The following MSTO1 variants were observed in gnomAD, a reference collection of about 807,000 sequenced individuals.
MSTO1 encodes protein misato homolog 1.
A neutral mutation model predicts 55.7 loss-of-function variants in MSTO1; 24 were observed. That is an observed-to-expected ratio of 0.43 (90% CI 0.31 to 0.61). The LOEUF is 0.61. Ranked by LOEUF, MSTO1 falls within the 20% of genes least tolerant of loss-of-function variation. MSTO1 has a pLI of 0.09. For synonymous variants in MSTO1, 162 were observed against 252.8 expected, an observed-to-expected ratio of 0.64 and a Z score of 3.41; for missense variants, 363 against 625.7, an observed-to-expected ratio of 0.58 and a Z score of 4.48.
chr1:155,612,047 G>A lies in MSTO1; in HGVS notation c.625G>A (p.Glu209Lys). ...TGTCCTAAAGGAACCCAAGTACCAG[G>A]AAGAGCTGGAGGACAGGCTGCATTT... ...ESVLKEPKYQ[E>K]ELEDRLHFYV... Residue 209 changes from glutamate (E) to lysine (K), a missense_variant, in exon 7 of 14, where the codon GAA (glutamate) becomes AAA (lysine). Glu to Lys is a moderately conservative substitution (Grantham distance 56). Coordinates refer to ENST00000245564, the MANE Select transcript of MSTO1 (RefSeq NM_018116.4). 1 of 1,604,816 alleles carries A rather than the reference G, an allele frequency of 6.2e-7. No homozygotes were observed. Among genetic ancestry groups the A allele is most frequent in the Non-Finnish European group, 8.5e-7 (1 of 1,176,986 alleles).
the MSTO1 span, among the ~76,000 whole-genome samples, chr1:155,565,024 G>C: frequency 6.6e-6 from 1 of 152,160 alleles, no homozygotes. Context: ...GGGAGGCTGA[G>C]GCAGGAGAAT....
At chr1:155,568,074 A>ATTTTT in the MSTO1 span, among the ~76,000 whole-genome samples, 2 of 150,418 alleles carry the variant, frequency 1.3e-5, no homozygotes, top group African/African-American at 4.9e-5. Flanking sequence ...ATTTTATTTT[A>ATTTTT]TTTTATTTTA....
rs1288230877 is a variant in MSTO1, at chr1:155,612,330, A to G, written c.813+14A>G. 2 of 1,576,230 alleles carry G rather than the reference A, an allele frequency of 1.3e-6. No individual in the cohort carries two copies. The highest frequency in any genetic ancestry group is 1.2e-5 in the South Asian group (1 of 84,488). On this transcript the variant is annotated intron_variant, in intron 8 of 13. Transcript: ENST00000245564. ...TACCATCGTGGGGTGAGTGGAACTT[A>G]GAGAAGTAAACAGTCACACAGTGGG...
chr1:155,563,637 G>A, the MSTO1 span: 583 of 454,842 alleles, frequency 1.3e-3, 2 homozygotes, highest in Middle Eastern at 4.9e-3. Context: ...GGTGATGGAG[G>A]ATGAAGAAAC....
chr1:155,585,595 TAA>T, the MSTO1 span, among the ~76,000 whole-genome samples: 2 of 152,118 alleles, frequency 1.3e-5, no homozygotes, highest in Non-Finnish European at 2.9e-5. Flanking sequence ...ACATTTAACT[TAA>T]GTTATTCTAT....
the MSTO1 span, chr1:155,563,334 G>C: frequency 2.2e-6 from 1 of 455,806 alleles, no homozygotes. Flanking sequence ...CTCACGGTGA[G>C]GGAATGGACC....
the MSTO1 span, among the ~76,000 whole-genome samples, chr1:155,582,695 G>A: frequency 2.2e-4 from 33 of 151,458 alleles, no homozygotes; most frequent in South Asian, 1.0e-3. Flanking sequence ...TCCTGACCCC[G>A]TGATCCACCT....
chr1:155,581,957 CT>C, the MSTO1 span, among the ~76,000 whole-genome samples: 512 of 134,470 alleles, frequency 3.8e-3, 1 homozygote, highest in Non-Finnish European at 4.9e-3. Flanking sequence ...CCATGTCTGG[CT>C]TTTTTTTTTT....
chr1:155,612,773 G>A, intron 9 of MSTO1, 71 bp from the exon 10 acceptor site: 1 of 1,586,202 alleles, frequency 6.3e-7, no homozygotes, highest in Non-Finnish European at 8.6e-7. Flanking sequence ...TCTCTCTGGT[G>A]TTAATATTCT....
At chr1:155,580,467 C>T in the MSTO1 span, among the ~76,000 whole-genome samples, 2 of 151,334 alleles carry the variant, frequency 1.3e-5, no homozygotes, top group African/African-American at 2.4e-5. Flanking sequence ...CCTGAGAGTT[C>T]GAGGTTGCAG....
the MSTO1 span, among the ~76,000 whole-genome samples, chr1:155,583,599 G>A: frequency 1.3e-5 from 2 of 152,174 alleles, no homozygotes; most frequent in African/African-American, 4.8e-5. Context: ...TGGAGAAAAT[G>A]TTTAAGTCTG....
the MSTO1 span, among the ~76,000 whole-genome samples, chr1:155,596,151 G>T: frequency 6.6e-6 from 1 of 152,174 alleles, no homozygotes; most frequent in African/African-American, 2.4e-5. Flanking sequence ...TCTCAGCAGG[G>T]TGTGTTTTAA....
the MSTO1 span, among the ~76,000 whole-genome samples, chr1:155,587,669 G>A: frequency 1.3e-5 from 2 of 150,798 alleles, no homozygotes; most frequent in Non-Finnish European, 3.0e-5. Flanking sequence ...GCGTGAACCC[G>A]GGAGGCGGAG....
chr1:155,577,421 A>G, the MSTO1 span, among the ~76,000 whole-genome samples: 1 of 152,118 alleles, frequency 6.6e-6, no homozygotes, highest in Non-Finnish European at 1.5e-5. Context: ...TAGCTCTTAC[A>G]TTTAGGTCTA....
At chr1:155,576,842 C>CT in the MSTO1 span, among the ~76,000 whole-genome samples, 5,660 of 147,588 alleles carry the variant, frequency 0.038, 375 homozygotes, top group African/African-American at 0.14. Context: ...GGTAAAACCC[C>CT]ATCTCTACTA....
At chr1:155,597,866 G>C in the MSTO1 span, among the ~76,000 whole-genome samples, 2 of 151,656 alleles carry the variant, frequency 1.3e-5, no homozygotes, top group African/African-American at 2.4e-5. Context: ...GCCCAGGCTG[G>C]AGTGCCGTGG....
the MSTO1 span, among the ~76,000 whole-genome samples, chr1:155,597,314 C>CA: frequency 0.025 from 3,790 of 151,672 alleles, 221 homozygotes; most frequent in Admixed American, 0.14. Flanking sequence ...ATTAAAAACA[C>CA]AAAAAATTAG....
At chr1:155,572,779 T>C in the MSTO1 span, among the ~76,000 whole-genome samples, 1 of 152,054 alleles carries the variant, frequency 6.6e-6, no homozygotes, top group African/African-American at 2.4e-5. Context: ...GCCTCCCAAG[T>C]AACTGGGTTT....
At chr1:155,599,385 TG>T in the MSTO1 span, among the ~76,000 whole-genome samples, 1 of 152,214 alleles carries the variant, frequency 6.6e-6, no homozygotes, top group Non-Finnish European at 1.5e-5. Flanking sequence ...CATAAACTCC[TG>T]CCTTAGAGGT....
Sources: allele counts gnomAD v4.1 joint callset (sites outside exome capture counted in the v4.1 genomes callset), GRCh38; gene constraint gnomAD v4.1.1; transcripts MANE v1.5; gene names NCBI Gene and HGNC (gene_info 2026-07-23, HGNC 2026-07-21).